The following TSC22D1 variants were observed in gnomAD, a reference collection of about 807,000 sequenced individuals.
TSC22D1 encodes the protein TSC22 domain family member 1.
TSC22D1 carries 9 observed loss-of-function variants against 74.2 expected under a neutral mutation model. That is an observed-to-expected ratio of 0.12 (90% CI 0.07 to 0.21). TSC22D1 has a LOEUF of 0.21. Among genes scored for constraint, TSC22D1 ranks in the 10% least tolerant of loss-of-function variants. The probability of loss-of-function intolerance (pLI) is 1.00; values close to 1 mark genes in which losing one functional copy is unlikely to be tolerated. For missense variants in TSC22D1, 1,427 were observed against 1,304.7 expected (o/e 1.09, Z -1.44); for synonymous variants, 586 against 492.5 (o/e 1.19, Z -2.51).
chr13:44,436,614 C>G (rs199842468), intron 1 of TSC22D1: 298 of 1,606,340 alleles, frequency 1.9e-4, no homozygotes, highest in Non-Finnish European at 2.4e-4. Context: ...CTGGTCTACA[C>G]CATTGGGATT....
intron 1 of TSC22D1, among the ~76,000 whole-genome samples, chr13:44,502,832 A>C (rs1879275626): frequency 6.6e-6 from 1 of 152,234 alleles, no homozygotes; most frequent in Non-Finnish European, 1.5e-5. Context: ...CTCTTCCTCC[A>C]TGTACAGACT....
At chr13:44,504,137 G>GAA (rs749880595) in intron 1 of TSC22D1, among the ~76,000 whole-genome samples, 12 of 80,422 alleles carry the variant, frequency 1.5e-4, no homozygotes, top group East Asian at 4.0e-4. Context: ...ATGTACAAAT[G>GAA]AAAAAAAAAA....
chr13:44,491,639 C>G (rs917259657), intron 1 of TSC22D1, among the ~76,000 whole-genome samples: 38 of 151,302 alleles, frequency 2.5e-4, no homozygotes, highest in Non-Finnish European at 2.9e-5. Context: ...CAAAAAAATC[C>G]AATAGAAAAT....
At position 44,434,298 on chromosome 13, in the gene TSC22D1, A is replaced by C. The variant is rs1463352550; in HGVS notation, c.*328T>G. The C allele has an allele frequency of 7.3e-7, 1 of 1,373,744 alleles. No individual in the cohort carries two copies. The highest frequency in any genetic ancestry group is 3.0e-5 in the East Asian group (1 of 33,812). 85.1% of individuals were successfully genotyped at this position (1,373,744 alleles called of 1,614,324 possible). A position where few individuals can be genotyped will look rare whatever the true frequency, so the allele number is the denominator to read the frequency against. ...GCAGGAGAGAGAACCCTTGGAAGTGAGGGGTAGGGAGCCGGAAGGGATGGA... is the reference window on the plus strand; with the variant it reads ...GCAGGAGAGAGAACCCTTGGAAGTGCGGGGTAGGGAGCCGGAAGGGATGGA... On this transcript the variant is annotated 3_prime_UTR_variant, in exon 3 of 3. Coordinates refer to ENST00000458659, the MANE Select transcript of TSC22D1 (RefSeq NM_183422.4).
chr13:44,509,720 G>T (rs1879601677), intron 1 of TSC22D1, among the ~76,000 whole-genome samples: 1 of 151,774 alleles, frequency 6.6e-6, no homozygotes, highest in Non-Finnish European at 1.5e-5. Context: ...CAAGGAATAG[G>T]AAAGTTTCAA....
intron 1 of TSC22D1, chr13:44,536,604 G>T: frequency 5.1e-6 from 2 of 394,340 alleles, no homozygotes; most frequent in Non-Finnish European, 6.9e-6. Context: ...TCTCTAATCA[G>T]CCATTATTTT....
At chr13:44,523,476 G>T (rs556172089) in intron 1 of TSC22D1, among the ~76,000 whole-genome samples, 3 of 152,174 alleles carry the variant, frequency 2.0e-5, no homozygotes, top group African/African-American at 4.8e-5. Context: ...GTCACAAAAA[G>T]ACATGAAAAA....
At chr13:44,563,260 T>C (rs1237317288) in intron 1 of TSC22D1, among the ~76,000 whole-genome samples, 1 of 152,176 alleles carries the variant, frequency 6.6e-6, no homozygotes, top group Non-Finnish European at 1.5e-5. Context: ...AATTAACATA[T>C]TGCTTTGAGA....
intron 1 of TSC22D1, chr13:44,437,095 C>T: frequency 1.0e-6 from 1 of 980,858 alleles, no homozygotes; most frequent in Non-Finnish European, 1.2e-6. Flanking sequence ...CCACGGCGGC[C>T]TCAAAACACT....
In TSC22D1 at chr13:44,434,133, T is replaced by TTTGTACAGTGAACTC. The variant is rs1325311517; in HGVS notation, c.*478_*492dup. On this transcript the variant is annotated 3_prime_UTR_variant, in exon 3 of 3. Transcript: ENST00000458659. ...ATGAATTTTGGTGACAGTTGTCAAA[T>TTTGTACAGTGAACTC]TTGTACAGTGAACTCTGTTCCCCCT... The TTTGTACAGTGAACTC allele has an allele frequency of 6.7e-7, 1 of 1,499,384 alleles. No homozygotes were observed. The highest frequency in any genetic ancestry group is 1.4e-5 in the African/African-American group (1 of 70,296). 92.9% of individuals were successfully genotyped at this position (1,499,384 alleles called of 1,614,324 possible). A position where few individuals can be genotyped will look rare whatever the true frequency, so the allele number is the denominator to read the frequency against.
Position 44,487,994 on chromosome 13 carries a change from G to A in TSC22D1, c.2913-51899C>T, listed in dbSNP as rs993823887. ...AGTTGCTTGAGCTTGGGAGGTGGAG[G>A]TTGCAGTGAGTTGAGATCATACCAC... On this transcript the variant is annotated intron_variant, in intron 1 of 2. Coordinates refer to ENST00000458659, the MANE Select transcript of TSC22D1 (RefSeq NM_183422.4). Among the ~76,000 whole-genome samples, 5 of 152,100 alleles carry A rather than the reference G, an allele frequency of 3.3e-5. No homozygotes were observed. In the East Asian group the frequency reaches 7.7e-4, roughly 24 times the overall value.
rs1566115894 is a variant in TSC22D1, at chr13:44,446,803, A to AGGAGG, written c.2913-10709_2913-10708insCCTCC. 2.1e-5 allele frequency among the ~76,000 whole-genome samples: 3 copies of AGGAGG among 140,286 alleles called. No homozygotes were observed. In the Admixed American group the frequency reaches 2.2e-4, roughly 10 times the overall value. 92.0% of individuals were successfully genotyped at this position (140,286 alleles called of 152,430 possible). On this transcript the variant is annotated intron_variant, in intron 1 of 2. Transcript: ENST00000458659. ...GGAAGAAGAGGAGGAGGAGGAGGAA[A>AGGAGG]AGGAGGAGGAAGAGGAGGAGGAAGA... is the stretch of plus-strand genomic sequence containing the variant.
chr13:44,539,499 T>C (rs906686809), intron 1 of TSC22D1: 18 of 985,278 alleles, frequency 1.8e-5, no homozygotes, highest in Non-Finnish European at 2.2e-5. Context: ...TGGGTAGATA[T>C]TCCCGTTTTA....
chr13:44,446,829 A>T (rs10161572), intron 1 of TSC22D1, among the ~76,000 whole-genome samples: 1 of 131,338 alleles, frequency 7.6e-6, no homozygotes, highest in African/African-American at 2.8e-5. Flanking sequence ...AGGAGGAAGA[A>T]GAGGAGGAGG....
intron 1 of TSC22D1, 108 bp downstream of exon 1, chr13:44,573,055 C>A: frequency 2.1e-6 from 3 of 1,438,072 alleles, no homozygotes; most frequent in Non-Finnish European, 2.7e-6. Flanking sequence ...TTTTCACATA[C>A]AAAACACAAT....
At chr13:44,475,464 GCA>G (rs1877857357) in intron 1 of TSC22D1, among the ~76,000 whole-genome samples, 1 of 71,152 alleles carries the variant, frequency 1.4e-5, no homozygotes. Flanking sequence ...ACAAACAAAA[GCA>G]AAAAAAAAAA....
chr13:44,527,093 A>G (rs1425624997), intron 1 of TSC22D1, among the ~76,000 whole-genome samples: 2 of 152,172 alleles, frequency 1.3e-5, no homozygotes, highest in Admixed American at 1.3e-4. Flanking sequence ...GCATACAGCA[A>G]AATTCTTGAA....
At chr13:44,490,956 G>T (rs983362873) in intron 1 of TSC22D1, among the ~76,000 whole-genome samples, 1 of 149,822 alleles carries the variant, frequency 6.7e-6, no homozygotes, top group African/African-American at 2.5e-5. Context: ...ACATATATAT[G>T]TATATATTCA....
chr13:44,466,769 C>CA (rs1798919978), intron 1 of TSC22D1, among the ~76,000 whole-genome samples: 2 of 145,546 alleles, frequency 1.4e-5, no homozygotes, highest in Non-Finnish European at 3.0e-5. Flanking sequence ...GACCGTGTCT[C>CA]AAAAAGAAAA....
Sources: gnomAD v4.1 joint callset for allele counts (sites outside exome capture counted in the v4.1 genomes callset) on GRCh38, gnomAD v4.1.1 for gene constraint, MANE v1.5 for transcripts, NCBI Gene and HGNC (gene_info 2026-07-23, HGNC 2026-07-21) for gene names.